Variants in RYR2 observed in about 807,000 individuals in gnomAD.
RYR2 encodes cardiac muscle ryanodine receptor-calcium release channel.
Under a neutral mutation model 601.1 loss-of-function variants are expected in RYR2, and 227 were observed. The ratio of observed to expected loss-of-function variants is 0.38; its 90% confidence interval spans 0.34 to 0.42. The LOEUF (loss-of-function observed/expected upper bound fraction) is 0.42. Ranked by LOEUF, RYR2 falls within the 10% of genes least tolerant of loss-of-function variation. The pLI is 1.00. For synonymous variants in RYR2, 2,223 were observed against 2,175.1 expected (o/e 1.02, Z -0.61); for missense variants, 4,646 against 6,156.5 (o/e 0.75, Z 8.21).
intron 88 of RYR2, among the ~76,000 whole-genome samples, chr1:237,779,047 TC>T (rs1694888047): frequency 6.6e-6 from 1 of 151,994 alleles, no homozygotes; most frequent in African/African-American, 2.4e-5. Flanking sequence ...AACAGTCGAG[TC>T]CCCAAACATT....
At chr1:237,157,937 C>A (rs756143195) in intron 1 of RYR2, among the ~76,000 whole-genome samples, 1 of 152,166 alleles carries the variant, frequency 6.6e-6, no homozygotes, top group Non-Finnish European at 1.5e-5. Flanking sequence ...AATGTACATC[C>A]CAACTACCCT....
At chr1:237,121,345 TG>T (rs1305922619) in intron 1 of RYR2, among the ~76,000 whole-genome samples, 2 of 152,206 alleles carry the variant, frequency 1.3e-5, no homozygotes, top group Non-Finnish European at 2.9e-5. Context: ...GCACGGTGGC[TG>T]GCACTTTCCA....
Position 237,454,444 on chromosome 1 carries a change from T to G in RYR2, c.1346T>G (p.Ile449Arg), listed in dbSNP as rs373331669. The G allele has an allele frequency of 1.4e-5, 23 of 1,613,472 alleles. No individual in the cohort carries two copies. Among genetic ancestry groups the G allele is most frequent in the Middle Eastern group, 1.6e-4 (1 of 6,078 alleles). The part of the protein sequence containing the change: ...KAKASTVDLP[I>R]ESVSLSLQDL... ...AAGGCTTCCACAGTCGATTTGCCTA[T>G]AGAGTCCGTAAGCCTAAGTCTGCAG... The change falls in exon 15 of 105, where the codon ATA becomes AGA. Residue 449 changes from isoleucine to arginine, a missense_variant. Ile to Arg is a moderately conservative substitution (Grantham distance 97). Transcript: ENST00000366574.
chr1:237,653,653 G>A (rs904364847), intron 51 of RYR2, among the ~76,000 whole-genome samples: 2 of 152,174 alleles, frequency 1.3e-5, no homozygotes, highest in Non-Finnish European at 1.5e-5. Flanking sequence ...TGACTCACAC[G>A]ATCACCGGGT....
At chr1:237,176,500 C>A (rs1420975799) in intron 1 of RYR2, among the ~76,000 whole-genome samples, 1 of 151,546 alleles carries the variant, frequency 6.6e-6, no homozygotes, top group Non-Finnish European at 1.5e-5. Context: ...GGTTCTGGCA[C>A]TTTGTTGCAC....
intron 25 of RYR2, 122 bp downstream of exon 25, chr1:237,530,632 T>G: frequency 1.3e-6 from 1 of 769,600 alleles, no homozygotes; most frequent in Non-Finnish European, 2.2e-6. Flanking sequence ...GATTCAAGGC[T>G]GGGTGCGGTG....
At chr1:237,124,269 G>T (rs896067920) in intron 1 of RYR2, among the ~76,000 whole-genome samples, 3 of 152,186 alleles carry the variant, frequency 2.0e-5, no homozygotes, top group Non-Finnish European at 4.4e-5. Context: ...ACATGTAGAG[G>T]TCATCTATTC....
rs139671526 is a variant in RYR2 at position 237,573,384 on chromosome 1, A to G, written c.3598+4065A>G. 1.8e-4 allele frequency among the ~76,000 whole-genome samples: 28 copies of G among 151,934 alleles called. No individual in the cohort carries two copies. The East Asian group carries it at 5.3e-3, about 29-fold the overall frequency. ...GACCTTTCTATCTATTGCATAGTTT[A>G]TACAACTGAAATGATTTGCTGACCA... On this transcript the variant is annotated intron_variant, in intron 29 of 104. Coordinates refer to ENST00000366574, the MANE Select transcript of RYR2 (RefSeq NM_001035.3).
At chr1:237,816,735 A>C (rs1661882834) in intron 100 of RYR2, among the ~76,000 whole-genome samples, 2 of 152,122 alleles carry the variant, frequency 1.3e-5, no homozygotes, top group South Asian at 2.1e-4. Flanking sequence ...TCTTAATAAA[A>C]GTAAGAAATG....
intron 71 of RYR2, among the ~76,000 whole-genome samples, chr1:237,716,994 A>T (rs973224823): frequency 8.5e-5 from 13 of 152,194 alleles, no homozygotes; most frequent in Non-Finnish European, 1.6e-4. Context: ...AATTATAATG[A>T]CCTAGGAATC....
intron 2 of RYR2, among the ~76,000 whole-genome samples, chr1:237,285,568 T>C (rs1465723231): frequency 6.6e-6 from 1 of 152,218 alleles, no homozygotes; most frequent in African/African-American, 2.4e-5. Flanking sequence ...TCCTTCTTTC[T>C]CTATCTTGTA....
intron 63 of RYR2, among the ~76,000 whole-genome samples, chr1:237,690,224 C>G (rs1686818530): frequency 6.6e-6 from 1 of 152,098 alleles, no homozygotes; most frequent in African/African-American, 2.4e-5. Context: ...GCTGTAGATG[C>G]TAATATGACA....
At chr1:237,118,627 G>C in intron 1 of RYR2, among the ~76,000 whole-genome samples, 1 of 151,862 alleles carries the variant, frequency 6.6e-6, no homozygotes. Context: ...TTTTTGAGAT[G>C]GAGTTTTGCT....
At chr1:237,756,662 A>T (rs746159597) in intron 81 of RYR2, among the ~76,000 whole-genome samples, 1 of 152,102 alleles carries the variant, frequency 6.6e-6, no homozygotes, top group Non-Finnish European at 1.5e-5. Flanking sequence ...GACTGATCCT[A>T]TAAAATGGGG....
At chr1:237,582,660 G>A (rs369415115) in intron 29 of RYR2, among the ~76,000 whole-genome samples, 18 of 152,064 alleles carry the variant, frequency 1.2e-4, no homozygotes, top group African/African-American at 4.1e-4. Context: ...TCACTTGTAA[G>A]TGAGAATACA....
chr1:237,532,956 T>C (rs1191408127), intron 25 of RYR2, among the ~76,000 whole-genome samples: 2 of 152,202 alleles, frequency 1.3e-5, no homozygotes, highest in Non-Finnish European at 2.9e-5. Context: ...AATTCCAATT[T>C]CTAACTTTAA....
At chr1:237,549,656 T>A (rs918297842) in intron 26 of RYR2, among the ~76,000 whole-genome samples, 3 of 105,146 alleles carry the variant, frequency 2.9e-5, no homozygotes, top group African/African-American at 1.0e-4. Flanking sequence ...TTTTTTTTTT[T>A]AACTCTTGGG....
At chr1:237,085,490 A>G (rs1297161624) in intron 1 of RYR2, among the ~76,000 whole-genome samples, 9 of 152,184 alleles carry the variant, frequency 5.9e-5, no homozygotes, top group Non-Finnish European at 1.3e-4. Context: ...AAGCTGGAGG[A>G]GGAGAAGGGA....
intron 34 of RYR2, among the ~76,000 whole-genome samples, chr1:237,599,968 A>G (rs898936610): frequency 6.6e-6 from 1 of 152,204 alleles, no homozygotes; most frequent in Non-Finnish European, 1.5e-5. Flanking sequence ...ATGGATTGGA[A>G]GAATTAATAT....
Sources: allele counts gnomAD v4.1 joint callset (sites outside exome capture counted in the v4.1 genomes callset), GRCh38; gene constraint gnomAD v4.1.1; transcripts MANE v1.5; gene names NCBI Gene and HGNC (gene_info 2026-07-23, HGNC 2026-07-21).